The following ZFPM2 variants were observed in gnomAD, a reference collection of about 807,000 sequenced individuals.
ZFPM2 encodes zinc finger protein, FOG family member 2, also known as zinc finger protein ZFPM2.
ZFPM2 carries 20 observed loss-of-function variants against 98.6 expected under a neutral mutation model. The observed-to-expected ratio is 0.20, with a 90% CI of 0.14 to 0.29. ZFPM2 has a LOEUF of 0.29. Ranked by LOEUF, ZFPM2 falls within the 10% of genes least tolerant of loss-of-function variation. The probability of loss-of-function intolerance (pLI) is 1.00; values close to 1 mark genes in which losing one functional copy is unlikely to be tolerated. For synonymous variants in ZFPM2, 518 were observed against 502.7 expected (o/e 1.03, Z -0.41); for missense variants, 1,310 against 1,388.6 (o/e 0.94, Z 0.90).
intron 1 of ZFPM2, chr8:105,387,479 G>C (rs1325548697): frequency 6.5e-6 from 1 of 153,420 alleles, no homozygotes; most frequent in Non-Finnish European, 1.4e-5. Context: ...GCCCCGCCGG[G>C]AGGCAGCTAA....
intron 5 of ZFPM2, among the ~76,000 whole-genome samples, chr8:105,731,466 A>G (rs1767904859): frequency 6.6e-6 from 1 of 151,692 alleles, no homozygotes; most frequent in African/African-American, 2.4e-5. Context: ...GAAAGGCACA[A>G]TGAACAGTCT....
chr8:105,496,495 A>G (rs1380425112), intron 3 of ZFPM2, among the ~76,000 whole-genome samples: 1 of 152,144 alleles, frequency 6.6e-6, no homozygotes, highest in Admixed American at 6.5e-5. Flanking sequence ...TGGGGCAAGA[A>G]TAAAACAAAA....
chr8:105,595,666 A>G (rs778826861), intron 4 of ZFPM2, among the ~76,000 whole-genome samples: 4 of 152,160 alleles, frequency 2.6e-5, no homozygotes, highest in Non-Finnish European at 5.9e-5. Context: ...AAAGAAGGTA[A>G]CAGGAAACTT....
intron 4 of ZFPM2, among the ~76,000 whole-genome samples, chr8:105,576,422 A>G (rs1270651557): frequency 1.3e-5 from 2 of 152,138 alleles, no homozygotes; most frequent in African/African-American, 2.4e-5. Flanking sequence ...TTATCTAGAA[A>G]AACTTAGCTG....
chr8:105,678,091 C>T (rs547730676), intron 5 of ZFPM2, among the ~76,000 whole-genome samples: 21 of 152,190 alleles, frequency 1.4e-4, no homozygotes, highest in African/African-American at 4.6e-4. Context: ...CACCTTTTTC[C>T]TCCTCACACA....
chr8:105,442,834 G>T (rs1337846854), intron 2 of ZFPM2, among the ~76,000 whole-genome samples: 2 of 151,424 alleles, frequency 1.3e-5, no homozygotes, highest in East Asian at 3.9e-4. Context: ...GTCATTCATC[G>T]TAATCATGAT....
At chr8:105,385,366 C>G (rs148867614) in intron 1 of ZFPM2, among the ~76,000 whole-genome samples, 1 of 152,302 alleles carries the variant, frequency 6.6e-6, no homozygotes, top group Non-Finnish European at 1.5e-5. Context: ...TTCTCTTGAG[C>G]AACTACTTTA....
In ZFPM2 at chr8:105,499,458, AAAAC is replaced by A. The variant is rs1382263680; in HGVS notation, c.301+55089_301+55092del. Among the ~76,000 whole-genome samples, 9 of 152,314 alleles carry A rather than the reference AAAAC, an allele frequency of 5.9e-5. No homozygotes were observed. In the South Asian group the frequency reaches 1.0e-3, roughly 18 times the overall value. On this transcript the variant is annotated intron_variant, in intron 3 of 7. Coordinates refer to ENST00000407775, the MANE Select transcript of ZFPM2 (RefSeq NM_012082.4). Reference sequence around the variant, plus strand: ...TAAAGAGGATATTGTAATCTAAAACAAAACAAACAAACAAAAGAAACCTCATAGT... The same window carrying A: ...TAAAGAGGATATTGTAATCTAAAACAAAACAAACAAAAGAAACCTCATAGT...
chr8:105,609,631 GT>G (rs1816265470), intron 4 of ZFPM2, among the ~76,000 whole-genome samples: 1 of 152,040 alleles, frequency 6.6e-6, no homozygotes. Context: ...TCCCTTTTTG[GT>G]TTAACTGTAA....
At chr8:105,480,226 C>T (rs1489623079) in intron 3 of ZFPM2, among the ~76,000 whole-genome samples, 1 of 152,200 alleles carries the variant, frequency 6.6e-6, no homozygotes, top group African/African-American at 2.4e-5. Flanking sequence ...GCCCAGGTTT[C>T]TGAACTGCAT....
At chr8:105,783,138 C>T (rs1813299992) in intron 5 of ZFPM2, among the ~76,000 whole-genome samples, 1 of 148,170 alleles carries the variant, frequency 6.7e-6, no homozygotes, top group Non-Finnish European at 1.5e-5. Context: ...ACTTGAATTT[C>T]AAATGGGGTT....
intron 1 of ZFPM2, among the ~76,000 whole-genome samples, chr8:105,403,715 A>C (rs1811384419): frequency 6.6e-6 from 1 of 151,958 alleles, no homozygotes; most frequent in African/African-American, 2.4e-5. Context: ...GCAGAGGATT[A>C]ATGGACTTTA....
intron 5 of ZFPM2, among the ~76,000 whole-genome samples, chr8:105,656,990 C>G (rs1263514728): frequency 2.0e-5 from 3 of 152,032 alleles, no homozygotes; most frequent in Non-Finnish European, 4.4e-5. Flanking sequence ...TTCTCTCTTT[C>G]CCTTTTTTGT....
At position 105,653,854 on chromosome 8, in the gene ZFPM2, C is replaced by CTTT. The variant is rs60218363; in HGVS notation, c.532+19528_532+19530dup. ...CTTTATACAACAGCTTGTGTGCTATCTTTTTTTTTTTTTTTTTTTTTTTTT... is the reference window on the plus strand; with the variant it reads ...CTTTATACAACAGCTTGTGTGCTATCTTTTTTTTTTTTTTTTTTTTTTTTTTTT... On this transcript the variant is annotated intron_variant, in intron 5 of 7. Coordinates refer to ENST00000407775, the MANE Select transcript of ZFPM2 (RefSeq NM_012082.4). Among the ~76,000 whole-genome samples the CTTT allele has an allele frequency of 1.8e-3, 62 of 35,286 alleles. 6 individuals are homozygous for CTTT. The highest frequency in any genetic ancestry group is 5.4e-3 in the East Asian group (6 of 1,116). 23.1% of individuals were successfully genotyped at this position (35,286 alleles called of 152,430 possible). A position where few individuals can be genotyped will look rare whatever the true frequency, so the allele number is the denominator to read the frequency against.
intron 4 of ZFPM2, among the ~76,000 whole-genome samples, chr8:105,626,638 C>T (rs1816661106): frequency 6.6e-6 from 1 of 151,942 alleles, no homozygotes; most frequent in African/African-American, 2.4e-5. Context: ...GTTTCTGGTT[C>T]TCACAATATA....
chr8:105,626,162 T>G (rs1816650218), intron 4 of ZFPM2, among the ~76,000 whole-genome samples: 1 of 152,260 alleles, frequency 6.6e-6, no homozygotes, highest in Middle Eastern at 3.4e-3. Flanking sequence ...ATACTAAAAG[T>G]TGTATAGTTC....
intron 3 of ZFPM2, among the ~76,000 whole-genome samples, chr8:105,461,522 TAATA>T (rs2130304034): frequency 6.6e-6 from 1 of 152,284 alleles, no homozygotes; most frequent in African/African-American, 2.4e-5. Context: ...AAGGTAAACT[TAATA>T]AATCAGTGGT....
At chr8:105,330,594 AC>A in intron 1 of ZFPM2, among the ~76,000 whole-genome samples, 1 of 24,140 alleles carries the variant, frequency 4.1e-5, no homozygotes, top group African/African-American at 3.6e-4. Context: ...ATATATATAT[AC>A]ATATATATAT....
Position 105,777,759 on chromosome 8 carries a change from G to A in ZFPM2, c.533-10959G>A, listed in dbSNP as rs1296359501. Among the ~76,000 whole-genome samples the A allele has an allele frequency of 6.6e-5, 10 of 151,802 alleles. No individual in the cohort carries two copies. In the South Asian group the frequency reaches 1.0e-3, roughly 16 times the overall value. ...TATGAGTTGGCATGTTGCTGCATAC[G>A]AAAAAAAGGCATTAATCAACTCTAA... On this transcript the variant is annotated intron_variant, in intron 5 of 7. Transcript: ENST00000407775.
Sources: allele counts gnomAD v4.1 joint callset (sites outside exome capture counted in the v4.1 genomes callset), GRCh38; gene constraint gnomAD v4.1.1; transcripts MANE v1.5; gene names NCBI Gene and HGNC (gene_info 2026-07-23, HGNC 2026-07-21).